PDSS2: variants seen among roughly 807,000 people sequenced by gnomAD.
PDSS2 encodes the protein all trans-polyprenyl-diphosphate synthase PDSS2.
A neutral mutation model predicts 44.5 loss-of-function variants in PDSS2; 31 were observed. The observed-to-expected ratio is 0.70, with a 90% CI of 0.52 to 0.94. The LOEUF is 0.94. PDSS2 is among the 40% of genes least tolerant of loss of function. The pLI, the probability that PDSS2 is intolerant of heterozygous loss-of-function variation, is 0.00. For synonymous variants in PDSS2, 157 were observed against 180.3 expected (o/e 0.87, Z 1.03); for missense variants, 452 against 482.2 (o/e 0.94, Z 0.59).
Position 107,271,435 on chromosome 6 carries a change from G to T in PDSS2, c.630+2594C>A, listed in dbSNP as rs1270273438. ...ACTTGCTCCCTAGCAGAGCTGATCA[G>T]CCTTGATTTCCCATATATATTTTAC... On this transcript the variant is annotated intron_variant, in intron 3 of 7. Coordinates refer to ENST00000369037, the MANE Select transcript of PDSS2 (RefSeq NM_020381.4). Among the ~76,000 whole-genome samples, 3 of 152,212 alleles carry T rather than the reference G, an allele frequency of 2.0e-5. No individual in the cohort carries two copies. In the East Asian group the frequency reaches 5.8e-4, roughly 29 times the overall value.
chr6:107,364,129 G>T (rs1778879706), intron 1 of PDSS2, among the ~76,000 whole-genome samples: 1 of 152,370 alleles, frequency 6.6e-6, no homozygotes, highest in African/African-American at 2.4e-5. Flanking sequence ...CCCTGAGCTA[G>T]ATATAAAGAC....
At chr6:107,247,963 G>A (rs555994444) in intron 3 of PDSS2, among the ~76,000 whole-genome samples, 1 of 151,370 alleles carries the variant, frequency 6.6e-6, no homozygotes, top group South Asian at 2.1e-4. Flanking sequence ...AGTTTGCAGT[G>A]AGCCAAGATC....
At chr6:107,424,515 T>A (rs1319598215) in intron 1 of PDSS2, among the ~76,000 whole-genome samples, 1 of 152,216 alleles carries the variant, frequency 6.6e-6, no homozygotes, top group African/African-American at 2.4e-5. Context: ...TCCACTCTTA[T>A]TTGATACTAA....
chr6:107,321,370 C>G (rs184009907), intron 2 of PDSS2, among the ~76,000 whole-genome samples: 175 of 152,266 alleles, frequency 1.1e-3, no homozygotes, highest in Non-Finnish European at 2.0e-3. Context: ...ACCCTGACTT[C>G]TAGAAGGTAC....
chr6:107,241,029 G>T (rs894028872), intron 4 of PDSS2, among the ~76,000 whole-genome samples: 1 of 151,726 alleles, frequency 6.6e-6, no homozygotes, highest in African/African-American at 2.4e-5. Context: ...AGGATGGGTC[G>T]CTTGAGGCCA....
intron 3 of PDSS2, chr6:107,264,142 G>T: frequency 1.6e-6 from 1 of 608,632 alleles, no homozygotes; most frequent in Non-Finnish European, 2.2e-6. Flanking sequence ...AATTTAACAT[G>T]AATTTGGAAG....
chr6:107,253,022 A>T (rs932515677), intron 3 of PDSS2, among the ~76,000 whole-genome samples: 4 of 152,132 alleles, frequency 2.6e-5, no homozygotes, highest in Non-Finnish European at 5.9e-5. Flanking sequence ...TAATACATAT[A>T]AAAATGTTTG....
intron 1 of PDSS2, among the ~76,000 whole-genome samples, chr6:107,341,864 G>A (rs2115289047): frequency 6.6e-6 from 1 of 152,142 alleles, no homozygotes; most frequent in Middle Eastern, 3.4e-3. Context: ...ATAATGCCAG[G>A]CATCTGCTGT....
chr6:107,162,794 G>A (rs538713125), intron 7 of PDSS2, among the ~76,000 whole-genome samples: 13 of 151,796 alleles, frequency 8.6e-5, no homozygotes, highest in Non-Finnish European at 1.9e-4. Flanking sequence ...TAGTAGAGTT[G>A]GGGTTTCACC....
intron 1 of PDSS2, among the ~76,000 whole-genome samples, chr6:107,345,198 G>A (rs923185106): frequency 9.9e-5 from 15 of 151,662 alleles, no homozygotes; most frequent in African/African-American, 3.2e-4. Context: ...TAAATCAACC[G>A]AATGTGAATG....
chr6:107,384,128 TAC>T (rs1779535128), intron 1 of PDSS2, among the ~76,000 whole-genome samples: 1 of 152,326 alleles, frequency 6.6e-6, no homozygotes, highest in South Asian at 2.1e-4. Flanking sequence ...CTGAAGATAT[TAC>T]ACAAAGTGAA....
chr6:107,178,596 A>G (rs185806368), intron 7 of PDSS2, among the ~76,000 whole-genome samples: 6 of 152,238 alleles, frequency 3.9e-5, no homozygotes, highest in Non-Finnish European at 2.9e-5. Context: ...CACATTTCTG[A>G]GACCAGAATT....
At chr6:107,374,915 A>AT (rs1056330043) in intron 1 of PDSS2, among the ~76,000 whole-genome samples, 33 of 151,720 alleles carry the variant, frequency 2.2e-4, no homozygotes, top group Non-Finnish European at 4.4e-4. Context: ...TGGCAATCTT[A>AT]TTTTTTTTAA....
intron 7 of PDSS2, among the ~76,000 whole-genome samples, chr6:107,167,259 T>C (rs1412554492): frequency 6.6e-6 from 1 of 152,226 alleles, no homozygotes; most frequent in Non-Finnish European, 1.5e-5. Context: ...TTCTAGTTTA[T>C]TTGCATAGAG....
At chr6:107,387,000 A>G (rs1398270606) in intron 1 of PDSS2, among the ~76,000 whole-genome samples, 1 of 152,238 alleles carries the variant, frequency 6.6e-6, no homozygotes, top group Admixed American at 6.5e-5. Flanking sequence ...GGAAAATCAC[A>G]TACAGAGCAA....
At chr6:107,447,166 T>C (rs1781712118) in intron 1 of PDSS2, among the ~76,000 whole-genome samples, 2 of 151,936 alleles carry the variant, frequency 1.3e-5, no homozygotes, top group African/African-American at 2.4e-5. Flanking sequence ...ACCCCATCTC[T>C]ATTAAAAATA....
intron 2 of PDSS2, among the ~76,000 whole-genome samples, chr6:107,296,477 G>A (rs1562443311): frequency 6.6e-6 from 1 of 152,210 alleles, no homozygotes; most frequent in Non-Finnish European, 1.5e-5. Context: ...CGTAATCCCA[G>A]CACTTTGGGA....
At chr6:107,431,490 C>T (rs987365870) in intron 1 of PDSS2, among the ~76,000 whole-genome samples, 1 of 152,148 alleles carries the variant, frequency 6.6e-6, no homozygotes, top group Non-Finnish European at 1.5e-5. Context: ...CTCATGCGAA[C>T]CTGCTGCTTT....
chr6:107,213,350 A>C (rs1773294731), intron 4 of PDSS2, among the ~76,000 whole-genome samples: 1 of 150,084 alleles, frequency 6.7e-6, no homozygotes, highest in South Asian at 2.1e-4. Flanking sequence ...GGGTTTCACC[A>C]TGTTGGTCAG....
Sources: allele counts gnomAD v4.1 joint callset (sites outside exome capture counted in the v4.1 genomes callset), GRCh38; gene constraint gnomAD v4.1.1; transcripts MANE v1.5; gene names NCBI Gene and HGNC (gene_info 2026-07-23, HGNC 2026-07-21).